Variants in PEPD observed in about 807,000 individuals in gnomAD.
PEPD encodes the protein peptidase D.
A neutral mutation model predicts 60.7 loss-of-function variants in PEPD; 53 were observed. The observed-to-expected ratio is 0.87, with a 90% confidence interval of 0.70 to 1.10. PEPD has a LOEUF of 1.10. PEPD is among the 50% of genes least tolerant of loss of function. PEPD has a pLI of 0.00. For missense variants in PEPD, 711 were observed against 711.9 expected, an observed-to-expected ratio of 1.00 and a Z score of 0.01; for synonymous variants, 267 against 284.1, an observed-to-expected ratio of 0.94 and a Z score of 0.60.
At chr19:33,510,972 A>ACCCCCC in intron 3 of PEPD, 56 bp downstream of exon 3, 4 of 1,571,556 alleles carry the variant, frequency 2.5e-6, no homozygotes, top group East Asian at 2.3e-5. Context: ...CACCTCCCCT[A>ACCCCCC]CCCACCCCCA....
intron 9 of PEPD, 144 bp from the exon 10 acceptor site, chr19:33,413,787 C>A: frequency 1.5e-6 from 1 of 654,498 alleles, no homozygotes; most frequent in Non-Finnish European, 2.8e-6. Context: ...CAGTGTGAGT[C>A]TGTGAGGCTT....
chr19:33,464,544 G>A (rs566820990), intron 7 of PEPD, among the ~76,000 whole-genome samples: 21 of 152,298 alleles, frequency 1.4e-4, no homozygotes, highest in Non-Finnish European at 2.6e-4. Flanking sequence ...TGGGTGACAG[G>A]GTCAGGTGAA....
chr19:33,470,638 G>A (rs112671578), intron 7 of PEPD, among the ~76,000 whole-genome samples: 1,843 of 152,228 alleles, frequency 0.012, 39 homozygotes, highest in African/African-American at 0.041. Context: ...CTGGAAGACA[G>A]GGTCCCAGCA....
intron 12 of PEPD, among the ~76,000 whole-genome samples, chr19:33,392,839 G>T (rs1279929173): frequency 6.6e-6 from 1 of 152,286 alleles, no homozygotes; most frequent in South Asian, 2.1e-4. Flanking sequence ...TGGCGAACAG[G>T]GATGAGAGTC....
intron 6 of PEPD, among the ~76,000 whole-genome samples, chr19:33,480,383 C>T (rs1334588780): frequency 6.6e-6 from 1 of 151,974 alleles, no homozygotes; most frequent in Non-Finnish European, 1.5e-5. Flanking sequence ...ATAACAGAGC[C>T]CTAAGATGTA....
At chr19:33,471,299 C>T (rs531778532) in intron 7 of PEPD, among the ~76,000 whole-genome samples, 2 of 152,270 alleles carry the variant, frequency 1.3e-5, no homozygotes, top group Non-Finnish European at 2.9e-5. Flanking sequence ...CTCACCCAGG[C>T]GCCAGGCATA....
At chr19:33,508,404 G>A (rs960045812) in intron 3 of PEPD, among the ~76,000 whole-genome samples, 6 of 152,078 alleles carry the variant, frequency 3.9e-5, no homozygotes, top group African/African-American at 9.7e-5. Context: ...TAAACTCTTC[G>A]TCACTGCTGT....
intron 7 of PEPD, among the ~76,000 whole-genome samples, chr19:33,471,189 T>G (rs1211803337): frequency 1.3e-5 from 2 of 152,196 alleles, no homozygotes; most frequent in African/African-American, 4.8e-5. Flanking sequence ...GAAACCAGCC[T>G]GGCTGGGCTT....
chr19:33,400,845 T>C (rs531253772), intron 12 of PEPD, among the ~76,000 whole-genome samples: 23 of 152,114 alleles, frequency 1.5e-4, no homozygotes, highest in Non-Finnish European at 2.5e-4. Context: ...TTCGATCCTG[T>C]GGGTGCTAGA....
In PEPD at chr19:33,435,739, C is replaced by G. The variant is rs182817810; in HGVS notation, c.672-22096G>C. Among the ~76,000 whole-genome samples, 212 of 152,362 alleles carry G rather than the reference C, an allele frequency of 1.4e-3. 1 individual carries two copies. The highest frequency in any genetic ancestry group is 4.3e-3 in the African/African-American group (180 of 41,586). The stretch of plus-strand genomic sequence containing the variant: ...CCGTTAGTTCTCAATCACGACAGGA[C>G]TGGGTGTCAGAACCTCCCAGGGCCA... On this transcript the variant is annotated intron_variant, in intron 9 of 14. Coordinates refer to ENST00000244137, the MANE Select transcript of PEPD (RefSeq NM_000285.4).
At chr19:33,391,196 A>G (rs1331577864) in intron 13 of PEPD, 99 bp downstream of exon 13, 9 of 973,804 alleles carry the variant, frequency 9.2e-6, no homozygotes, top group Non-Finnish European at 1.3e-5. Context: ...TGCCATCCCA[A>G]TACACGCCTG....
chr19:33,427,047 T>C (rs952541309), intron 9 of PEPD, among the ~76,000 whole-genome samples: 3 of 152,170 alleles, frequency 2.0e-5, no homozygotes, highest in Non-Finnish European at 2.9e-5. Flanking sequence ...AGCCTTTCCA[T>C]CCTCACTCAC....
intron 12 of PEPD, among the ~76,000 whole-genome samples, chr19:33,397,704 C>T (rs879534806): frequency 2.0e-5 from 3 of 146,494 alleles, no homozygotes; most frequent in Admixed American, 1.4e-4. Flanking sequence ...TGGGTGGGAG[C>T]GGGGCTGGGG....
chr19:33,510,102 G>C (rs1031040625), intron 3 of PEPD, among the ~76,000 whole-genome samples: 1 of 152,176 alleles, frequency 6.6e-6, no homozygotes, highest in Non-Finnish European at 1.5e-5. Flanking sequence ...TGACGGCCTC[G>C]CAGGGCCAAA....
In PEPD at chr19:33,401,991, T is replaced by A. The variant is rs111514429; in HGVS notation, c.819-122A>T. The A allele has an allele frequency of 5.5e-4, 483 of 883,816 alleles. 4 individuals are homozygous for A. The African/African-American group carries it at 6.8e-3, about 12-fold the overall frequency. The allele number at this position is 883,816 out of a possible 1,614,324, so 54.7% of individuals were successfully genotyped here. The stretch of plus-strand genomic sequence containing the variant: ...CCCGGGTCCTGGATGCAACTCCCCC[T>A]CACAATGAGACCGGTGTGGGGAACT... On this transcript the variant is annotated intron_variant, in intron 11 of 14. Transcript: ENST00000244137.
chr19:33,469,324 G>A (rs982764529), intron 7 of PEPD, among the ~76,000 whole-genome samples: 1 of 152,170 alleles, frequency 6.6e-6, no homozygotes, highest in African/African-American at 2.4e-5. Context: ...ACTGGCAATG[G>A]CCAAGCAAGC....
intron 9 of PEPD, among the ~76,000 whole-genome samples, chr19:33,449,003 C>T (rs1017233133): frequency 2.0e-5 from 3 of 152,180 alleles, no homozygotes; most frequent in Non-Finnish European, 4.4e-5. Context: ...GGTGGGGACC[C>T]AGGGTTTCCC....
chr19:33,509,996 G>T (rs184775452), intron 3 of PEPD, among the ~76,000 whole-genome samples: 1 of 152,196 alleles, frequency 6.6e-6, no homozygotes, highest in Non-Finnish European at 1.5e-5. Context: ...GCATATCAGC[G>T]ATGGGCCTCA....
intron 9 of PEPD, among the ~76,000 whole-genome samples, chr19:33,436,094 A>G (rs11084735): frequency 0.25 from 37,530 of 151,948 alleles, 5,266 homozygotes; most frequent in Non-Finnish European, 0.32. Flanking sequence ...AGAAAGAAGC[A>G]GAGGAGTGGG....
Sources: allele counts gnomAD v4.1 joint callset (sites outside exome capture counted in the v4.1 genomes callset), GRCh38; gene constraint gnomAD v4.1.1; transcripts MANE v1.5; gene names NCBI Gene and HGNC (gene_info 2026-07-23, HGNC 2026-07-21).